LIN7A: variants seen among roughly 807,000 people sequenced by gnomAD.
LIN7A encodes lin-7 cell polarity scaffold A.
In LIN7A, 25 loss-of-function variants were observed where a neutral mutation model predicts 29.8. The ratio of observed to expected loss-of-function variants is 0.84; its 90% confidence interval spans 0.61 to 1.17. The LOEUF is 1.17. Among genes scored for constraint, LIN7A ranks in the 50% most tolerant of loss-of-function variants. The probability of loss-of-function intolerance (pLI) is 0.00; values close to 1 mark genes in which losing one functional copy is unlikely to be tolerated. For missense variants in LIN7A, 239 were observed against 287.0 expected (o/e 0.83, Z 1.21); for synonymous variants, 118 against 107.5 (o/e 1.10, Z -0.60).
At chr12:80,925,598 T>C (rs1877540539) in intron 1 of LIN7A, among the ~76,000 whole-genome samples, 1 of 152,228 alleles carries the variant, frequency 6.6e-6, no homozygotes, top group Non-Finnish European at 1.5e-5. Flanking sequence ...CTATTATTAC[T>C]ATTTTCCGTT....
intron 2 of LIN7A, 80 bp downstream of exon 2, chr12:80,889,171 A>C: frequency 1.2e-6 from 1 of 800,122 alleles, no homozygotes; most frequent in Non-Finnish European, 2.2e-6. Context: ...TAACAATTTC[A>C]ACTGTTTGTG....
intron 4 of LIN7A, among the ~76,000 whole-genome samples, chr12:80,814,246 G>A (rs970491169): frequency 2.0e-5 from 3 of 152,082 alleles, no homozygotes; most frequent in Non-Finnish European, 4.4e-5. Context: ...AACTTTGACA[G>A]CATCGTGCAA....
At chr12:80,899,067 G>C (rs1381219048) in intron 1 of LIN7A, among the ~76,000 whole-genome samples, 1 of 152,124 alleles carries the variant, frequency 6.6e-6, no homozygotes, top group African/African-American at 2.4e-5. Context: ...TCATTTTCAA[G>C]AGGAATGCTT....
intron 1 of LIN7A, among the ~76,000 whole-genome samples, chr12:80,912,166 C>T (rs1168370136): frequency 6.6e-6 from 1 of 152,160 alleles, no homozygotes; most frequent in African/African-American, 2.4e-5. Context: ...GGCAGCCTTA[C>T]TATCTTTATC....
chr12:80,914,404 TCA>T (rs1876925695), intron 1 of LIN7A, among the ~76,000 whole-genome samples: 2 of 152,168 alleles, frequency 1.3e-5, no homozygotes, highest in African/African-American at 4.8e-5. Flanking sequence ...ATAAACTCTC[TCA>T]GAGTAATGTT....
intron 5 of LIN7A, among the ~76,000 whole-genome samples, chr12:80,802,782 A>G (rs573243372): frequency 2.6e-5 from 4 of 151,852 alleles, no homozygotes; most frequent in African/African-American, 9.7e-5. Flanking sequence ...CCGGGACTAC[A>G]GGTGCTTGCT....
chr12:80,899,599 G>A (rs1487396083), intron 1 of LIN7A, among the ~76,000 whole-genome samples: 1 of 151,868 alleles, frequency 6.6e-6, no homozygotes, highest in South Asian at 2.1e-4. Context: ...ATTTGGTCAT[G>A]AATCCATCTG....
chr12:80,927,351 C>T (rs1008801125), intron 1 of LIN7A, among the ~76,000 whole-genome samples: 59 of 151,968 alleles, frequency 3.9e-4, no homozygotes, highest in African/African-American at 1.3e-3. Context: ...TTAGCAGAGA[C>T]GGGGTTTCAC....
rs370465323 is a variant in LIN7A at position 80,854,485 on chromosome 12, C to CAAAAAAAAAAAAAAAAAAAAA, written c.202-6164_202-6163insTTTTTTTTTTTTTTTTTTTTT. On this transcript the variant is annotated intron_variant, in intron 2 of 5. Coordinates refer to ENST00000552864, the MANE Select transcript of LIN7A (RefSeq NM_004664.4). ...TGAATCTGAAATGCATGTTGCTAAG[C>CAAAAAAAAAAAAAAAAAAAAA]CAAAAAAAAAAAAAAAAAAAAAAGC... Among the ~76,000 whole-genome samples, 2 of 37,112 alleles carry CAAAAAAAAAAAAAAAAAAAAA rather than the reference C, an allele frequency of 5.4e-5. 1 individual carries two copies. The highest frequency in any genetic ancestry group is 1.0e-4 in the Non-Finnish European group (2 of 19,836). The allele number at this position is 37,112 out of a possible 152,430, so 24.3% of individuals were successfully genotyped here.
chr12:80,793,736 A>G lies in LIN7A; in HGVS notation c.*3991T>C, dbSNP rs1870315326. 6.6e-6 allele frequency: 1 copy of G among 152,184 alleles called. No homozygotes were observed. The highest frequency in any genetic ancestry group is 2.1e-4 in the South Asian group (1 of 4,830). 9.4% of individuals were successfully genotyped at this position (152,184 alleles called of 1,614,324 possible). On this transcript the variant is annotated 3_prime_UTR_variant, in exon 6 of 6. Coordinates refer to ENST00000552864, the MANE Select transcript of LIN7A (RefSeq NM_004664.4). ...TAAATGATCTTTTGAAAATAGGAAG[A>G]GATTTAGGGATGGTGTCTCCAATTA...
chr12:80,812,267 T>C (rs1225182455), intron 4 of LIN7A, among the ~76,000 whole-genome samples: 1 of 124,458 alleles, frequency 8.0e-6, no homozygotes, highest in African/African-American at 3.5e-5. Flanking sequence ...TCATACACTA[T>C]GCTAAATATA....
At chr12:80,843,650 A>C (rs1872924574) in intron 4 of LIN7A, among the ~76,000 whole-genome samples, 1 of 151,806 alleles carries the variant, frequency 6.6e-6, no homozygotes, top group Non-Finnish European at 1.5e-5. Context: ...CCAAATTAAC[A>C]CAGGATAGCT....
intron 2 of LIN7A, among the ~76,000 whole-genome samples, chr12:80,850,506 G>T (rs894388426): frequency 6.6e-6 from 1 of 152,104 alleles, no homozygotes; most frequent in African/African-American, 2.4e-5. Flanking sequence ...TTGATCAAGG[G>T]CTGTAGTTCT....
intron 1 of LIN7A, among the ~76,000 whole-genome samples, chr12:80,897,534 C>T (rs900445662): frequency 1.3e-5 from 2 of 152,022 alleles, no homozygotes; most frequent in African/African-American, 4.8e-5. Flanking sequence ...TTGTTGGGGC[C>T]GGATGCGTAA....
intron 1 of LIN7A, among the ~76,000 whole-genome samples, chr12:80,915,251 TA>T (rs1254741425): frequency 2.6e-5 from 4 of 151,056 alleles, no homozygotes; most frequent in African/African-American, 9.7e-5. Context: ...TACAAGTGAC[TA>T]ATGAACATGA....
intron 1 of LIN7A, among the ~76,000 whole-genome samples, chr12:80,918,535 C>T (rs990380432): frequency 6.6e-6 from 1 of 152,142 alleles, no homozygotes; most frequent in African/African-American, 2.4e-5. Context: ...CCTTCATCTA[C>T]TCTTACTAAA....
intron 1 of LIN7A, among the ~76,000 whole-genome samples, chr12:80,900,960 G>A (rs963513257): frequency 2.6e-4 from 40 of 152,150 alleles, no homozygotes; most frequent in African/African-American, 9.4e-4. Flanking sequence ...CTTGAAAATA[G>A]ATTGGAGTTC....
intron 1 of LIN7A, among the ~76,000 whole-genome samples, chr12:80,931,851 C>T (rs910792747): frequency 1.3e-5 from 2 of 152,138 alleles, no homozygotes; most frequent in Admixed American, 1.3e-4. Flanking sequence ...GGATTTAGGA[C>T]AAGAGACATA....
chr12:80,856,602 C>G (rs1418393489), intron 2 of LIN7A, among the ~76,000 whole-genome samples: 2 of 152,124 alleles, frequency 1.3e-5, no homozygotes, highest in African/African-American at 4.8e-5. Context: ...AGGCTATTAG[C>G]TCCATTACTT....
Sources: gnomAD v4.1 joint callset for allele counts (sites outside exome capture counted in the v4.1 genomes callset) on GRCh38, gnomAD v4.1.1 for gene constraint, MANE v1.5 for transcripts, NCBI Gene and HGNC (gene_info 2026-07-23, HGNC 2026-07-21) for gene names.